Variants in CFAP47 observed in about 807,000 individuals in gnomAD.
CFAP47 encodes cilia- and flagella-associated protein 47.
CFAP47 carries 29 observed loss-of-function variants against 148.1 expected under a neutral mutation model. The ratio of observed to expected loss-of-function variants is 0.20; its 90% CI spans 0.15 to 0.27. CFAP47 has a LOEUF of 0.27. CFAP47 is among the 10% of genes least tolerant of loss of function. CFAP47 has a pLI of 1.00. For synonymous variants in CFAP47, 664 were observed against 577.3 expected, an observed-to-expected ratio of 1.15 and a Z score of -2.15; for missense variants, 1,872 against 1,697.5, an observed-to-expected ratio of 1.10 and a Z score of -1.81.
chrX:36,089,242 G>A (rs1382448696), intron 30 of CFAP47, among the ~76,000 whole-genome samples: 2 of 109,996 alleles, frequency 1.8e-5, no homozygotes, highest in East Asian at 2.9e-4. Context: ...TGTGGTGGGC[G>A]CCAGTAATCC....
At chrX:35,967,573 G>GAAATTAA in intron 9 of CFAP47, 46 bp from the exon 10 acceptor site, 1 of 982,321 alleles carries the variant, frequency 1.0e-6, no homozygotes. Flanking sequence ...TTTTAAAGTT[G>GAAATTAA]AAATTAAAAA....
chrX:36,175,785 C>A (rs1049037467), intron 39 of CFAP47, among the ~76,000 whole-genome samples: 4 of 113,394 alleles, frequency 3.5e-5, no homozygotes, highest in South Asian at 3.5e-4. Context: ...GAGGTGGAGC[C>A]TACAGAGGCA....
chrX:36,290,327 A>G (rs983187559), intron 51 of CFAP47, among the ~76,000 whole-genome samples: 6 of 112,281 alleles, frequency 5.3e-5, no homozygotes, highest in African/African-American at 1.9e-4. Context: ...CTCTTTGTTC[A>G]TAATTACCAA....
intron 33 of CFAP47, among the ~76,000 whole-genome samples, chrX:36,114,659 T>G (rs1323558672): frequency 9.0e-6 from 1 of 111,528 alleles, no homozygotes; most frequent in Non-Finnish European, 1.9e-5. Flanking sequence ...GCTCTAACTC[T>G]GGGGAATATG....
Position 36,069,423 on chromosome X carries a change from AAAAT to A in CFAP47, c.4319-2386_4319-2383del, listed in dbSNP as rs200952221. ...CAATAAATAATATTGTTATCTCTTT[AAAAT>A]AAATAAATAAATAAAACCTTGTTGT... On this transcript the variant is annotated intron_variant, in intron 27 of 63. Transcript: ENST00000378653. Among the ~76,000 whole-genome samples, 66 of 111,392 alleles carry A rather than the reference AAAAT, an allele frequency of 5.9e-4. 1 individual carries two copies. The highest frequency in any genetic ancestry group is 1.9e-3 in the East Asian group (7 of 3,600).
At chrX:36,046,326 G>A (rs192122498) in intron 25 of CFAP47, among the ~76,000 whole-genome samples, 1 of 110,204 alleles carries the variant, frequency 9.1e-6, no homozygotes, top group African/African-American at 3.3e-5. Context: ...GCTATAAAAA[G>A]TATAAATGTA....
At chrX:36,339,166 G>T (rs782622981) in intron 57 of CFAP47, among the ~76,000 whole-genome samples, 3 of 111,910 alleles carry the variant, frequency 2.7e-5, no homozygotes, top group Admixed American at 9.5e-5. Context: ...ATCTAGACAG[G>T]TCTGGGGTTG....
intron 49 of CFAP47, among the ~76,000 whole-genome samples, chrX:36,264,511 C>T (rs1156628346): frequency 9.0e-6 from 1 of 111,523 alleles, no homozygotes; most frequent in Non-Finnish European, 1.9e-5. Flanking sequence ...TGATTTTGGT[C>T]TGGTTTTCCT....
chrX:36,254,561 CA>C (rs1940729116), intron 49 of CFAP47, among the ~76,000 whole-genome samples: 1 of 110,959 alleles, frequency 9.0e-6, no homozygotes, highest in African/African-American at 3.3e-5. Context: ...GGGTCTTTGA[CA>C]ATATCCAAGG....
chrX:36,126,707 C>T (rs1405959804), intron 33 of CFAP47, among the ~76,000 whole-genome samples: 1 of 111,955 alleles, frequency 8.9e-6, no homozygotes, highest in Non-Finnish European at 1.9e-5. Context: ...ATTTACACTC[C>T]CACCAACAGT....
intron 49 of CFAP47, among the ~76,000 whole-genome samples, chrX:36,255,246 G>C (rs1460125265): frequency 8.9e-6 from 1 of 112,559 alleles, no homozygotes; most frequent in Non-Finnish European, 1.9e-5. Flanking sequence ...GTAACAGGTT[G>C]AGTTTCCAGG....
At chrX:36,268,237 CA>C (rs1940918610) in intron 49 of CFAP47, among the ~76,000 whole-genome samples, 1 of 113,358 alleles carries the variant, frequency 8.8e-6, no homozygotes, top group Non-Finnish European at 1.9e-5. Flanking sequence ...AATGCATTTT[CA>C]AAAATAAAGT....
rs768250939 is a variant in CFAP47, at chrX:35,967,680, C to T, written c.1662C>T (p.Arg554=). 6 of 1,207,660 alleles carry T rather than the reference C, an allele frequency of 5.0e-6. No individual in the cohort carries two copies. In the African/African-American group the frequency reaches 8.8e-5, roughly 18 times the overall value. The part of the protein sequence containing the change: ...GKFVVKDLAK[R]KNYAPVAMLQ... Reference sequence around the variant, plus strand: ...TTGTGGTCAAAGACTTGGCAAAACGCAAGAATTATGCACCTGTAGCAATGC... The same window carrying T: ...TTGTGGTCAAAGACTTGGCAAAACGTAAGAATTATGCACCTGTAGCAATGC... The change falls in exon 10 of 64, where the codon CGC becomes CGT. Residue 554 remains arginine (R), a synonymous_variant. Coordinates refer to ENST00000378653, the MANE Select transcript of CFAP47 (RefSeq NM_001304548.2).
chrX:36,332,470 G>T (rs190814520), intron 57 of CFAP47, among the ~76,000 whole-genome samples: 3 of 111,436 alleles, frequency 2.7e-5, no homozygotes, highest in Admixed American at 9.5e-5. Flanking sequence ...GAAAGGATTA[G>T]ATTTATGTTT....
intron 49 of CFAP47, among the ~76,000 whole-genome samples, chrX:36,252,770 G>A (rs1332382803): frequency 6.3e-5 from 7 of 111,602 alleles, no homozygotes; most frequent in African/African-American, 1.3e-4. Flanking sequence ...GTTTTAACTC[G>A]TCTTTTGTAA....
At chrX:36,346,608 A>G (rs372737180) in intron 57 of CFAP47, among the ~76,000 whole-genome samples, 3 of 110,651 alleles carry the variant, frequency 2.7e-5, no homozygotes, top group Non-Finnish European at 3.8e-5. Context: ...AGAGAAACAT[A>G]TACGAGAAAA....
intron 62 of CFAP47, among the ~76,000 whole-genome samples, chrX:36,371,667 C>T (rs1189734564): frequency 5.2e-5 from 4 of 76,504 alleles, no homozygotes; most frequent in Non-Finnish European, 7.2e-5. Context: ...TGTGTATATA[C>T]ACACATGTGT....
intron 49 of CFAP47, among the ~76,000 whole-genome samples, chrX:36,256,655 G>A (rs1940756853): frequency 9.0e-6 from 1 of 111,631 alleles, no homozygotes; most frequent in South Asian, 3.7e-4. Flanking sequence ...ACAACAAACA[G>A]GGAGATGTGT....
chrX:36,218,122 ACT>A (rs1280293933), intron 45 of CFAP47, among the ~76,000 whole-genome samples: 1 of 112,158 alleles, frequency 8.9e-6, no homozygotes, highest in African/African-American at 3.2e-5. Context: ...TTAAAAATAA[ACT>A]CTGTTCAAAA....
Sources: allele counts gnomAD v4.1 joint callset (sites outside exome capture counted in the v4.1 genomes callset), GRCh38; gene constraint gnomAD v4.1.1; transcripts MANE v1.5; gene names NCBI Gene and HGNC (gene_info 2026-07-23, HGNC 2026-07-21).